Variants in RAMP1 observed in about 807,000 individuals in gnomAD.
The protein encoded by RAMP1 is receptor activity-modifying protein 1.
Under a neutral mutation model 8.2 loss-of-function variants are expected in RAMP1, and 7 were observed. That is an observed-to-expected ratio of 0.85 (90% CI 0.49 to 1.60). RAMP1 has a LOEUF of 1.60. Ranked by LOEUF, RAMP1 falls within the 40% of genes most tolerant of loss-of-function variation. The pLI, the probability that RAMP1 is intolerant of heterozygous loss-of-function variation, is 0.00. For synonymous variants in RAMP1, 92 were observed against 84.7 expected, an observed-to-expected ratio of 1.09 and a Z score of -0.47; for missense variants, 192 against 202.4, an observed-to-expected ratio of 0.95 and a Z score of 0.31.
At chr2:237,871,200 G>C (rs1042967822) in intron 1 of RAMP1, among the ~76,000 whole-genome samples, 1 of 152,198 alleles carries the variant, frequency 6.6e-6, no homozygotes, top group East Asian at 1.9e-4. Context: ...GGAATGAGAG[G>C]GTCTTGCCAG....
At chr2:237,860,799 T>C (rs3754697) in intron 1 of RAMP1, among the ~76,000 whole-genome samples, 3,836 of 151,858 alleles carry the variant, frequency 0.025, 223 homozygotes, top group East Asian at 0.23. Flanking sequence ...GCTGGGGGAG[T>C]GGTTCGTGGC....
chr2:237,908,183 T>C (rs2062671257), intron 2 of RAMP1, among the ~76,000 whole-genome samples: 1 of 152,238 alleles, frequency 6.6e-6, no homozygotes, highest in South Asian at 2.1e-4. Context: ...TGCTGCAGCA[T>C]GGATCTTACC....
rs866526662 is a variant in RAMP1, at chr2:237,870,154, G to A, written c.53-7070G>A. Among the ~76,000 whole-genome samples the A allele has an allele frequency of 1.3e-5, 2 of 152,200 alleles. 1 individual carries two copies. The highest frequency in any genetic ancestry group is 4.1e-4 in the South Asian group (2 of 4,820). On this transcript the variant is annotated intron_variant, in intron 1 of 2. Coordinates refer to ENST00000254661, the MANE Select transcript of RAMP1 (RefSeq NM_005855.4). ...TAGTCTTTTGTCTGTGTCATGTCCCGCCACCCACCTTTTGGATGTTCCCCG... is the reference window on the plus strand; with the variant it reads ...TAGTCTTTTGTCTGTGTCATGTCCCACCACCCACCTTTTGGATGTTCCCCG...
chr2:237,902,193 T>C (rs998182954), intron 2 of RAMP1, among the ~76,000 whole-genome samples: 2 of 149,464 alleles, frequency 1.3e-5, no homozygotes, highest in African/African-American at 5.0e-5. Flanking sequence ...CTTCAGTGAG[T>C]GAGGATGCCC....
intron 1 of RAMP1, among the ~76,000 whole-genome samples, chr2:237,873,177 ACT>A (rs756703424): frequency 3.3e-5 from 5 of 152,162 alleles, no homozygotes; most frequent in African/African-American, 1.2e-4. Flanking sequence ...CCTGACCTGC[ACT>A]CTCTGTTTAG....
chr2:237,882,379 G>A (rs550963913), intron 2 of RAMP1, among the ~76,000 whole-genome samples: 45 of 152,164 alleles, frequency 3.0e-4, no homozygotes, highest in Non-Finnish European at 5.7e-4. Flanking sequence ...GTTTATTACC[G>A]CGTGCTGGGC....
chr2:237,868,869 G>A (rs973269288), intron 1 of RAMP1, among the ~76,000 whole-genome samples: 1 of 152,116 alleles, frequency 6.6e-6, no homozygotes, highest in Non-Finnish European at 1.5e-5. Flanking sequence ...TTTCTCTCCC[G>A]ATACTCATTG....
intron 2 of RAMP1, among the ~76,000 whole-genome samples, chr2:237,907,892 TGTATA>T (rs1264675688): frequency 1.3e-5 from 2 of 152,246 alleles, no homozygotes; most frequent in Non-Finnish European, 2.9e-5. Context: ...TGAACATTCA[TGTATA>T]GAACAGAGGT....
chr2:237,903,490 A>G (rs2062626006), intron 2 of RAMP1, among the ~76,000 whole-genome samples: 1 of 152,286 alleles, frequency 6.6e-6, no homozygotes, highest in African/African-American at 2.4e-5. Flanking sequence ...TGCCTGCCTC[A>G]GTATCCTACA....
Position 237,897,459 on chromosome 2 carries a change from G to A in RAMP1, c.192-14069G>A, listed in dbSNP as rs572948739. Reference sequence around the variant, plus strand: ...CACAGCAGCGAGAACACTGAGCCCCGTTTCATCTGTCTTCCTCCTGTTTCC... The same window carrying A: ...CACAGCAGCGAGAACACTGAGCCCCATTTCATCTGTCTTCCTCCTGTTTCC... On this transcript the variant is annotated intron_variant, in intron 2 of 2. Coordinates refer to ENST00000254661, the MANE Select transcript of RAMP1 (RefSeq NM_005855.4). Among the ~76,000 whole-genome samples, 162 of 152,316 alleles carry A rather than the reference G, an allele frequency of 1.1e-3. 1 individual carries two copies. The highest frequency in any genetic ancestry group is 3.4e-3 in the Middle Eastern group (1 of 294).
intron 2 of RAMP1, among the ~76,000 whole-genome samples, chr2:237,894,448 A>G (rs1421056902): frequency 6.6e-6 from 1 of 152,210 alleles, no homozygotes; most frequent in Admixed American, 6.5e-5. Flanking sequence ...GGTGGGAGCT[A>G]GGCCAGGGCG....
At chr2:237,889,187 C>A (rs1457548542) in intron 2 of RAMP1, among the ~76,000 whole-genome samples, 6 of 152,196 alleles carry the variant, frequency 3.9e-5, no homozygotes, top group African/African-American at 1.4e-4. Context: ...AATCTGTGAA[C>A]ACATGGATGC....
At position 237,878,040 on chromosome 2, in the gene RAMP1, C is replaced by T. The variant is rs556578152; in HGVS notation, c.191+678C>T. 2 of 985,468 alleles carry T rather than the reference C, an allele frequency of 2.0e-6. No individual in the cohort carries two copies. Among genetic ancestry groups the T allele is most frequent in the Non-Finnish European group, 1.2e-6 (1 of 829,936 alleles). 61.0% of individuals were successfully genotyped at this position (985,468 alleles called of 1,614,324 possible). A position where few individuals can be genotyped will look rare whatever the true frequency, so the allele number is the denominator to read the frequency against. ...AGCGGCGATCAGAACTCGGCATGTC[C>T]GCAATCGACTTTCAAGTCCTTGTTT... On this transcript the variant is annotated intron_variant, in intron 2 of 2. Coordinates refer to ENST00000254661, the MANE Select transcript of RAMP1 (RefSeq NM_005855.4). The surrounding 1 kb of genome is among the most constrained non-coding windows in gnomAD (Gnocchi z 5.7).
chr2:237,898,435 G>A (rs12996794), intron 2 of RAMP1, among the ~76,000 whole-genome samples: 29,734 of 152,028 alleles, frequency 0.2, 3,364 homozygotes, highest in East Asian at 0.29. Context: ...TACAATATCC[G>A]TCTTTCCCTC....
chr2:237,902,349 T>TGGGAGGAGGAGGGAGAGGCC (rs1279788771), intron 2 of RAMP1, among the ~76,000 whole-genome samples: 51 of 52,742 alleles, frequency 9.7e-4, no homozygotes, highest in Non-Finnish European at 1.7e-3. Context: ...GAGGAGGGGC[T>TGGGAGGAGGAGGGAGAGGCC]GGGAGGAGGA....
At chr2:237,898,614 C>T (rs762596461) in intron 2 of RAMP1, among the ~76,000 whole-genome samples, 1 of 152,208 alleles carries the variant, frequency 6.6e-6, no homozygotes, top group Non-Finnish European at 1.5e-5. Context: ...ATACATTTCC[C>T]CAGTGTCAAG....
intron 2 of RAMP1, among the ~76,000 whole-genome samples, chr2:237,888,237 T>C (rs2062454925): frequency 1.3e-5 from 2 of 152,002 alleles, no homozygotes; most frequent in African/African-American, 4.8e-5. Flanking sequence ...GTATTTTTAG[T>C]AGAGACAGGG....
At chr2:237,873,551 T>TC (rs1402156669) in intron 1 of RAMP1, among the ~76,000 whole-genome samples, 1 of 152,138 alleles carries the variant, frequency 6.6e-6, no homozygotes, top group Non-Finnish European at 1.5e-5. Context: ...CTGAACCCCC[T>TC]CAAGCAACAC....
chr2:237,909,269 C>T (rs1383813996), intron 2 of RAMP1, among the ~76,000 whole-genome samples: 2 of 152,288 alleles, frequency 1.3e-5, no homozygotes, highest in East Asian at 3.9e-4. Context: ...GGCAGCCCTC[C>T]AGCCTTCCCA....
Sources: allele counts gnomAD v4.1 joint callset (sites outside exome capture counted in the v4.1 genomes callset), GRCh38; gene constraint gnomAD v4.1.1; non-coding constraint Gnocchi (gnomAD v3.1); transcripts MANE v1.5; gene names NCBI Gene and HGNC (gene_info 2026-07-23, HGNC 2026-07-21).